CNBD1: variants seen among roughly 807,000 people sequenced by gnomAD.
The protein encoded by CNBD1 is cyclic nucleotide binding domain containing 1, also known as cyclic nucleotide-binding domain-containing protein 1.
In CNBD1, 71 loss-of-function variants were observed where a neutral mutation model predicts 54.4. The ratio of observed to expected loss-of-function variants is 1.30; its 90% CI spans 1.08 to 1.59. The LOEUF (loss-of-function observed/expected upper bound fraction) is 1.59. Ranked by LOEUF, CNBD1 falls within the 40% of genes most tolerant of loss-of-function variation. The probability of loss-of-function intolerance (pLI) is 0.00; values close to 1 mark genes in which losing one functional copy is unlikely to be tolerated. For synonymous variants in CNBD1, 182 were observed against 170.7 expected, an observed-to-expected ratio of 1.07 and a Z score of -0.51; for missense variants, 659 against 518.0, an observed-to-expected ratio of 1.27 and a Z score of -2.64.
At chr8:87,239,554 A>G (rs1807650142) in intron 6 of CNBD1, among the ~76,000 whole-genome samples, 1 of 152,160 alleles carries the variant, frequency 6.6e-6, no homozygotes, top group Non-Finnish European at 1.5e-5. Context: ...CAGAGAACCG[A>G]ACAACTAAGA....
At chr8:87,395,899 TCTC>T (rs1234603367) in intron 2 of CNBD1, among the ~76,000 whole-genome samples, 1 of 151,860 alleles carries the variant, frequency 6.6e-6, no homozygotes, top group Non-Finnish European at 1.5e-5. Flanking sequence ...AAGGGGCTTT[TCTC>T]CTCCTTCGCT....
intron 4 of CNBD1, among the ~76,000 whole-genome samples, chr8:86,978,504 T>A (rs1172015326): frequency 1.3e-5 from 2 of 151,420 alleles, no homozygotes; most frequent in East Asian, 3.9e-4. Flanking sequence ...CTAATAATGC[T>A]TTTTACATTT....
intron 4 of CNBD1, among the ~76,000 whole-genome samples, chr8:87,089,757 G>T (rs1002037762): frequency 1.2e-4 from 18 of 151,916 alleles, no homozygotes; most frequent in African/African-American, 3.6e-4. Context: ...TTTTCTCAAA[G>T]AATTTAACTT....
intron 3 of CNBD1, among the ~76,000 whole-genome samples, chr8:86,936,863 C>T (rs1376893538): frequency 2.6e-5 from 4 of 151,742 alleles, no homozygotes; most frequent in Non-Finnish European, 5.9e-5. Context: ...TTCAAAGGTA[C>T]AGGTAATTGT....
At chr8:87,217,374 A>C (rs950761306) in intron 5 of CNBD1, among the ~76,000 whole-genome samples, 2 of 152,038 alleles carry the variant, frequency 1.3e-5, no homozygotes, top group African/African-American at 4.8e-5. Flanking sequence ...ATCCCCAAGT[A>C]ATTGGAGATT....
intron 10 of CNBD1, among the ~76,000 whole-genome samples, chr8:87,363,755 C>T (rs973058293): frequency 4.6e-5 from 7 of 151,914 alleles, no homozygotes; most frequent in African/African-American, 1.5e-4. Context: ...TGGATATTAG[C>T]CCTTTGTCAG....
rs533316565 is a variant in CNBD1, at chr8:87,140,907, T to C, written c.432-65086T>C. Among the ~76,000 whole-genome samples, 15 of 152,256 alleles carry C rather than the reference T, an allele frequency of 9.9e-5. No individual in the cohort carries two copies. The South Asian group carries it at 2.7e-3, about 27-fold the overall frequency. On this transcript the variant is annotated intron_variant, in intron 4 of 10. Transcript: ENST00000518476. ...CACATTCCAGTCCCTTGTCTTTCCATCATTAAATAATACATAGTGACTTTT... is the reference window on the plus strand; with the variant it reads ...CACATTCCAGTCCCTTGTCTTTCCACCATTAAATAATACATAGTGACTTTT...
chr8:87,237,043 C>A lies in CNBD1; in HGVS notation c.702C>A (p.Ser234Arg). 1.9e-6 allele frequency: 3 copies of A among 1,611,886 alleles called. No individual in the cohort carries two copies. The highest frequency in any genetic ancestry group is 2.5e-6 in the Non-Finnish European group (3 of 1,178,436). Reference sequence around the variant, plus strand: ...CGTTCATATCTCAGAGTTTCCACAGCTTCATTTGGAGTGAAGAATTCAAAA... The same window carrying A: ...CGTTCATATCTCAGAGTTTCCACAGATTCATTTGGAGTGAAGAATTCAAAA... ...PDSFISQSFH[S>R]FIWSEEFKNS... Residue 234 changes from serine (S) to arginine (R), a missense_variant, in exon 6 of 11, where the codon AGC (serine) becomes AGA (arginine). Coordinates refer to ENST00000518476, the MANE Select transcript of CNBD1 (RefSeq NM_173538.3).
chr8:87,081,206 A>G (rs755612245), intron 4 of CNBD1, among the ~76,000 whole-genome samples: 8 of 151,854 alleles, frequency 5.3e-5, no homozygotes, highest in Admixed American at 1.3e-4. Flanking sequence ...TTGTGTTATC[A>G]TTTTCATTTT....
intron 2 of CNBD1, among the ~76,000 whole-genome samples, chr8:86,889,809 A>G (rs762473351): frequency 2.0e-5 from 3 of 152,096 alleles, no homozygotes; most frequent in Admixed American, 6.6e-5. Context: ...ATAGAGTTCA[A>G]TGTTTTGCAC....
chr8:87,248,554 G>A lies in CNBD1; in HGVS notation c.771+11442G>A, dbSNP rs548844827. Reference sequence around the variant, plus strand: ...GTCTTTTAATACAGGGCGCTTGATCGCCATGTGGAGAAGCAGCTTTGAAGG... The same window carrying A: ...GTCTTTTAATACAGGGCGCTTGATCACCATGTGGAGAAGCAGCTTTGAAGG... On this transcript the variant is annotated intron_variant, in intron 6 of 10. Coordinates refer to ENST00000518476, the MANE Select transcript of CNBD1 (RefSeq NM_173538.3). Among the ~76,000 whole-genome samples, 74 of 152,118 alleles carry A rather than the reference G, an allele frequency of 4.9e-4. 2 individuals are homozygous for A. The highest frequency in any genetic ancestry group is 1.4e-4 in the African/African-American group (6 of 41,410).
At chr8:87,069,452 A>C (rs1010993537) in intron 4 of CNBD1, among the ~76,000 whole-genome samples, 6 of 152,020 alleles carry the variant, frequency 3.9e-5, no homozygotes, top group African/African-American at 1.4e-4. Context: ...ATTACATTAC[A>C]TTTGCCTACA....
intron 4 of CNBD1, among the ~76,000 whole-genome samples, chr8:87,133,696 T>TAA (rs200198528): frequency 0.2 from 27,772 of 141,804 alleles, 2,803 homozygotes; most frequent in Non-Finnish European, 0.25. Flanking sequence ...TCTTTTAAAG[T>TAA]AAAAAAAAAA....
chr8:87,231,827 A>T (rs1807443065), intron 5 of CNBD1, among the ~76,000 whole-genome samples: 2 of 152,236 alleles, frequency 1.3e-5, no homozygotes, highest in South Asian at 2.1e-4. Context: ...GTATCACTTG[A>T]TGAGTTTAGA....
At chr8:86,896,825 C>T (rs1808854653) in intron 2 of CNBD1, among the ~76,000 whole-genome samples, 1 of 151,798 alleles carries the variant, frequency 6.6e-6, no homozygotes, top group Non-Finnish European at 1.5e-5. Flanking sequence ...GAGTTAATCA[C>T]AAAAGAAGAT....
intron 3 of CNBD1, among the ~76,000 whole-genome samples, chr8:86,926,199 C>A (rs1476940757): frequency 6.6e-6 from 1 of 152,124 alleles, no homozygotes; most frequent in East Asian, 1.9e-4. Flanking sequence ...GTCCAGCTGG[C>A]CTCACCTCTC....
chr8:87,308,994 A>G (rs896393124), intron 8 of CNBD1, among the ~76,000 whole-genome samples: 2 of 152,034 alleles, frequency 1.3e-5, no homozygotes, highest in African/African-American at 2.4e-5. Context: ...TCATTTCTTG[A>G]TGGACATTTA....
chr8:87,218,508 A>T (rs1018238202), intron 5 of CNBD1, among the ~76,000 whole-genome samples: 3 of 152,080 alleles, frequency 2.0e-5, no homozygotes, highest in Admixed American at 2.0e-4. Context: ...GAAATAGTCT[A>T]TTATGCCTGG....
chr8:87,313,764 G>T (rs1419084241), intron 8 of CNBD1, among the ~76,000 whole-genome samples: 2 of 151,526 alleles, frequency 1.3e-5, no homozygotes, highest in Admixed American at 1.3e-4. Flanking sequence ...GAAAGATATA[G>T]AAAATAAGAT....
Sources: gnomAD v4.1 joint callset for allele counts (sites outside exome capture counted in the v4.1 genomes callset) on GRCh38, gnomAD v4.1.1 for gene constraint, MANE v1.5 for transcripts, NCBI Gene and HGNC (gene_info 2026-07-23, HGNC 2026-07-21) for gene names.